Variants in PTPRB observed in about 807,000 individuals in gnomAD.
The protein encoded by PTPRB is receptor-type tyrosine-protein phosphatase beta.
In PTPRB, 97 loss-of-function variants were observed where a neutral mutation model predicts 238.1. The ratio of observed to expected loss-of-function variants is 0.41; its 90% CI spans 0.35 to 0.48. PTPRB has a LOEUF of 0.48. Ranked by LOEUF, PTPRB falls within the 20% of genes least tolerant of loss-of-function variation. The pLI is 0.30. For missense variants in PTPRB, 2,292 were observed against 2,681.9 expected (o/e 0.85, Z 3.21); for synonymous variants, 970 against 995.4 (o/e 0.97, Z 0.48).
At chr12:70,579,155 G>C (rs146611394) in intron 10 of PTPRB, among the ~76,000 whole-genome samples, 109 of 152,244 alleles carry the variant, frequency 7.2e-4, no homozygotes, top group Admixed American at 1.4e-3. Context: ...ATGCAAGGTC[G>C]TCCTCCACTC....
At chr12:70,622,290 C>G in intron 3 of PTPRB, 100 bp downstream of exon 3, 1 of 1,504,704 alleles carries the variant, frequency 6.6e-7, no homozygotes, top group African/African-American at 1.4e-5. Context: ...TGCCTAATCC[C>G]CCTACTGCAG....
chr12:70,541,583 C>T (rs1443675797), intron 22 of PTPRB: 9 of 152,254 alleles, frequency 5.9e-5, no homozygotes, highest in Non-Finnish European at 2.9e-5. Flanking sequence ...TCATCACCCT[C>T]AAAAGAAACC....
At chr12:70,636,817 A>G (rs1172934435) in intron 1 of PTPRB, among the ~76,000 whole-genome samples, 1 of 152,210 alleles carries the variant, frequency 6.6e-6, no homozygotes, top group African/African-American at 2.4e-5. Flanking sequence ...AAACATCAGT[A>G]TTAAAGAGCA....
At chr12:70,528,107 T>C (rs986772661) in intron 32 of PTPRB, among the ~76,000 whole-genome samples, 3 of 152,156 alleles carry the variant, frequency 2.0e-5, no homozygotes, top group Admixed American at 2.0e-4. Flanking sequence ...TGGAATTTTG[T>C]TTGAGAAAAA....
At chr12:70,534,428 G>C (rs1873770366) in intron 31 of PTPRB, 60 bp downstream of exon 31, 13 of 1,550,210 alleles carry the variant, frequency 8.4e-6, no homozygotes, top group African/African-American at 1.4e-5. Context: ...TATTTTTCCA[G>C]ACTCCCAGGC....
In PTPRB at chr12:70,573,505, CTTTTT is replaced by C. The variant is rs937307862; in HGVS notation, c.2843-1423_2843-1419del. ...CATGGTTTCTTTTTTCTTTTCTTTTCTTTTTTTTTTTTTTTTTTTGAGACAGAATC... is the reference window on the plus strand; with the variant it reads ...CATGGTTTCTTTTTTCTTTTCTTTTCTTTTTTTTTTTTTTGAGACAGAATC... On this transcript the variant is annotated intron_variant, in intron 11 of 33. Transcript: ENST00000334414. Among the ~76,000 whole-genome samples, 191 of 90,806 alleles carry C rather than the reference CTTTTT, an allele frequency of 2.1e-3. 1 individual carries two copies. The highest frequency in any genetic ancestry group is 7.2e-3 in the African/African-American group (177 of 24,646). 59.6% of individuals were successfully genotyped at this position (90,806 alleles called of 152,430 possible).
rs1282856643 is a variant in PTPRB at position 70,572,044 on chromosome 12, C to G, written c.2886G>C (p.Arg962Ser). 6.2e-7 allele frequency: 1 copy of G among 1,613,546 alleles called. No homozygotes were observed. Among genetic ancestry groups the G allele is most frequent in the Non-Finnish European group, 8.5e-7 (1 of 1,179,648 alleles). ...CCCAGGATACCCTTAAATAGTCACT[C>G]CTGGCTGAGTTGCTAACACTGACTC... ...VQGVSVSNSA[R>S]SDYLRVSWVH... The change falls in exon 12 of 34, where the codon AGG becomes AGC. Residue 962 changes from arginine (R) to serine (S), a missense_variant. Arg to Ser is a moderately radical substitution (Grantham distance 110, BLOSUM62 -1). Around this residue, in one of 4 missense-constraint regions of PTPRB, gnomAD observed 1,205 missense variants for 1,287.8 expected, o/e 0.94. Transcript: ENST00000334414.
intron 23 of PTPRB, chr12:70,540,632 G>A: frequency 2.1e-6 from 1 of 483,322 alleles, no homozygotes; most frequent in South Asian, 2.9e-5. Context: ...AGCTATAGAT[G>A]GCCCCTCAGT....
chr12:70,547,651 T>A (rs1340424268), intron 21 of PTPRB, among the ~76,000 whole-genome samples: 1 of 151,600 alleles, frequency 6.6e-6, no homozygotes, highest in Non-Finnish European at 1.5e-5. Context: ...GGATTACAAG[T>A]GCACACTACC....
At chr12:70,572,163 C>T in intron 11 of PTPRB, 76 bp from the exon 12 acceptor site, 1 of 1,377,252 alleles carries the variant, frequency 7.3e-7, no homozygotes, top group Non-Finnish European at 1.0e-6. Context: ...CAAGCTGGGA[C>T]AATAAAAAGA....
chr12:70,578,032 C>T (rs1880978448), intron 10 of PTPRB, among the ~76,000 whole-genome samples: 1 of 152,104 alleles, frequency 6.6e-6, no homozygotes. Context: ...CAACTACTAA[C>T]ATTTTATTAG....
At position 70,538,807 on chromosome 12, in the gene PTPRB, G is replaced by A. The variant is rs954186233; in HGVS notation, c.5869+117C>T. ...CTATTTCTTATTAAAGGCATTCAGA[G>A]CTTGAGATTGTCCATATCGAGCTAT... On this transcript the variant is annotated intron_variant, in intron 27 of 33. Transcript: ENST00000334414. 9.9e-6 allele frequency: 8 copies of A among 805,210 alleles called. No individual in the cohort carries two copies. The African/African-American group carries it at 1.4e-4, about 14-fold the overall frequency. The allele number at this position is 805,210 out of a possible 1,614,324, so 49.9% of individuals were successfully genotyped here.
chr12:70,558,681 A>C (rs1878056091), intron 18 of PTPRB: 1 of 154,408 alleles, frequency 6.5e-6, no homozygotes, highest in South Asian at 2.1e-4. Flanking sequence ...CTTTCAATCT[A>C]TTCTCTACAC....
chr12:70,521,069 T>C lies in PTPRB; in HGVS notation c.*420A>G, dbSNP rs1871604506. On this transcript the variant is annotated 3_prime_UTR_variant, in exon 34 of 34. Transcript: ENST00000334414. Reference sequence around the variant, plus strand: ...CAGCAAATCTAGCCATAGTATTTGCTCTCTCTAGCCCTGCCCTTTTTCCTG... The same window carrying C: ...CAGCAAATCTAGCCATAGTATTTGCCCTCTCTAGCCCTGCCCTTTTTCCTG... 6.4e-6 allele frequency: 1 copy of C among 156,942 alleles called. No homozygotes were observed. The highest frequency in any genetic ancestry group is 1.4e-5 in the Non-Finnish European group (1 of 71,178). 9.7% of individuals were successfully genotyped at this position (156,942 alleles called of 1,614,324 possible).
At chr12:70,626,578 C>T (rs985994424) in intron 2 of PTPRB, among the ~76,000 whole-genome samples, 2 of 151,956 alleles carry the variant, frequency 1.3e-5, no homozygotes, top group Non-Finnish European at 2.9e-5. Flanking sequence ...AGCAATACAA[C>T]AACTATTTAT....
Position 70,622,513 on chromosome 12 carries a change from A to G in PTPRB, c.585T>C (p.Asn195=). The G allele has an allele frequency of 1.2e-6, 2 of 1,613,276 alleles. No individual in the cohort carries two copies. The highest frequency in any genetic ancestry group is 1.7e-6 in the Non-Finnish European group (2 of 1,179,520). ...IRNTTEAFIR[N]AAENYSQNSS... The stretch of plus-strand genomic sequence containing the variant: ...TGTTTTGGCTGTAGTTTTCTGCAGC[A>G]TTTCTGATGAAGGCCTCTGTGGTAT... Residue 195 remains asparagine (N), a synonymous_variant, in exon 3 of 34, where the codon AAT becomes AAC. Transcript: ENST00000334414.
At chr12:70,531,777 A>C (rs1374715093) in intron 32 of PTPRB, among the ~76,000 whole-genome samples, 1 of 150,832 alleles carries the variant, frequency 6.6e-6, no homozygotes, top group Non-Finnish European at 1.5e-5. Context: ...AGAGATTGGG[A>C]TCTTCTTCTT....
chr12:70,622,521 T>C lies in PTPRB; in HGVS notation c.577A>G (p.Ile193Val), dbSNP rs1884986978. 1 of 1,612,900 alleles carries C rather than the reference T, an allele frequency of 6.2e-7. No individual in the cohort carries two copies. The highest frequency in any genetic ancestry group is 2.2e-5 in the East Asian group (1 of 44,846). The change falls in exon 3 of 34, where the codon ATC (isoleucine) becomes GTC (valine). Residue 193 changes from isoleucine to valine, a missense_variant. Transcript: ENST00000334414. ...FLIRNTTEAF[I>V]RNAAENYSQN... ...CTGTAGTTTTCTGCAGCATTTCTGA[T>C]GAAGGCCTCTGTGGTATTCCTAATA...
rs144550915 is a variant in PTPRB, at chr12:70,539,286, G to A, written c.5779-272C>T. On this transcript the variant is annotated intron_variant, in intron 26 of 33. Transcript: ENST00000334414. ...CCTGAGAATCAGTTCCAAAAGCTACGTGCTTTTTGCGAAACCACGGCATCT... is the reference window on the plus strand; with the variant it reads ...CCTGAGAATCAGTTCCAAAAGCTACATGCTTTTTGCGAAACCACGGCATCT... 6.8e-3 allele frequency: 3,663 copies of A among 540,514 alleles called. 62 individuals carry two copies. Among genetic ancestry groups the A allele is most frequent in the South Asian group, 0.04 (1,488 of 37,434 alleles). The allele number at this position is 540,514 out of a possible 1,614,324, so 33.5% of individuals were successfully genotyped here.
Sources: gnomAD v4.1 joint callset for allele counts (sites outside exome capture counted in the v4.1 genomes callset) on GRCh38, gnomAD v4.1.1 for gene constraint, gnomAD v4.1.1 regional missense constraint, MANE v1.5 for transcripts, NCBI Gene and HGNC (gene_info 2026-07-23, HGNC 2026-07-21) for gene names.